The following WIPI2 variants were observed in gnomAD, a reference collection of about 807,000 sequenced individuals.
The protein encoded by WIPI2 is WD repeat domain, phosphoinositide interacting 2.
A neutral mutation model predicts 52.3 loss-of-function variants in WIPI2; 28 were observed. The ratio of observed to expected loss-of-function variants is 0.54; its 90% confidence interval spans 0.40 to 0.73. The LOEUF (loss-of-function observed/expected upper bound fraction) is 0.73. WIPI2 is among the 30% of genes least tolerant of loss of function. The pLI, the probability that WIPI2 is intolerant of heterozygous loss-of-function variation, is 0.00. For missense variants in WIPI2, 506 were observed against 602.9 expected (o/e 0.84, Z 1.68); for synonymous variants, 268 against 245.0 (o/e 1.09, Z -0.88).
At position 5,227,433 on chromosome 7, in the gene WIPI2, C is replaced by T; in HGVS notation, c.1013+89C>T. 2.0e-6 allele frequency: 3 copies of T among 1,519,360 alleles called. No individual in the cohort carries two copies. The highest frequency in any genetic ancestry group is 4.6e-5 in the East Asian group (2 of 43,040). The allele number at this position is 1,519,360 out of a possible 1,614,324, so 94.1% of individuals were successfully genotyped here. ...GCGGCTTGTGGCCCCTTCCGTGCTTCTGAACAGGAGCAGCTTCTTAGAGCC... is the reference window on the plus strand; with the variant it reads ...GCGGCTTGTGGCCCCTTCCGTGCTTTTGAACAGGAGCAGCTTCTTAGAGCC... On this transcript the variant is annotated intron_variant, in intron 10 of 12. Coordinates refer to ENST00000288828, the MANE Select transcript of WIPI2 (RefSeq NM_015610.4). The surrounding 1 kb of genome is among the most constrained non-coding windows in gnomAD (Gnocchi z 8.1).
intron 2 of WIPI2, among the ~76,000 whole-genome samples, chr7:5,196,756 A>T (rs1468856149): frequency 1.3e-5 from 2 of 152,190 alleles, no homozygotes; most frequent in African/African-American, 4.8e-5. Flanking sequence ...TGACGGCAGG[A>T]TGGTCACGAG....
intron 3 of WIPI2, among the ~76,000 whole-genome samples, chr7:5,210,842 G>C (rs28447119): frequency 6.6e-6 from 1 of 152,168 alleles, no homozygotes; most frequent in African/African-American, 2.4e-5. Flanking sequence ...AGACAACCTC[G>C]TTTTGTGTGT....
At chr7:5,210,128 C>T (rs1782483721) in intron 3 of WIPI2, among the ~76,000 whole-genome samples, 2 of 152,118 alleles carry the variant, frequency 1.3e-5, no homozygotes, top group Non-Finnish European at 2.9e-5. Context: ...AGGCTGGCCT[C>T]GAACGCCTGA....
At chr7:5,220,720 C>A (rs6951007) in intron 7 of WIPI2, among the ~76,000 whole-genome samples, 31,826 of 151,844 alleles carry the variant, frequency 0.21, 3,643 homozygotes, top group African/African-American at 0.31. Flanking sequence ...TAGTGTTTCT[C>A]CTGTCTTGGC....
At chr7:5,195,318 C>G (rs1310822013) in intron 2 of WIPI2, among the ~76,000 whole-genome samples, 1 of 143,454 alleles carries the variant, frequency 7.0e-6, no homozygotes, top group African/African-American at 2.6e-5. Flanking sequence ...GAGACCTCGA[C>G]TCTACACAAA....
intron 3 of WIPI2, among the ~76,000 whole-genome samples, chr7:5,202,436 T>A (rs1338954185): frequency 1.3e-5 from 2 of 152,092 alleles, no homozygotes; most frequent in African/African-American, 4.8e-5. Context: ...CAGGCTGGAG[T>A]ACAGTGGCAT....
Position 5,190,456 on chromosome 7 carries a change from G to T in WIPI2, c.37G>T (p.Gly13Cys). 1.3e-6 allele frequency: 2 copies of T among 1,497,854 alleles called. No homozygotes were observed. Among genetic ancestry groups the T allele is most frequent in the Non-Finnish European group, 8.9e-7 (1 of 1,122,364 alleles). The allele number at this position is 1,497,854 out of a possible 1,614,324, so 92.8% of individuals were successfully genotyped here. ...GAGCCAGAGCGGGGAGGCCGGCGCC[G>T]GCCAGCTGCTCTTCGCCAACTTCAA... ...LASQSGEAGA[G>C]QLLFANFNQD... Residue 13 changes from glycine to cysteine, a missense_variant, in exon 1 of 13, where the codon GGC becomes TGC. By Grantham distance (159) the Gly-to-Cys change is radical. Transcript: ENST00000288828.
At chr7:5,222,458 C>A in intron 7 of WIPI2, 144 bp from the exon 8 acceptor site, 2 of 801,138 alleles carry the variant, frequency 2.5e-6, no homozygotes, top group East Asian at 2.5e-5. Context: ...CAAGGGGGGC[C>A]CTGGGGGACC....
intron 3 of WIPI2, among the ~76,000 whole-genome samples, chr7:5,205,662 G>T (rs888891630): frequency 1.2e-4 from 18 of 151,980 alleles, no homozygotes; most frequent in Admixed American, 1.1e-3. Context: ...GTGTCACCAC[G>T]CTCAGCTAAT....
intron 8 of WIPI2, among the ~76,000 whole-genome samples, chr7:5,223,400 T>G (rs1203576449): frequency 1.3e-5 from 2 of 152,164 alleles, no homozygotes; most frequent in Admixed American, 1.3e-4. Flanking sequence ...TCGGGGACTC[T>G]CCCGCCATCT....
chr7:5,225,738 C>T (rs551432051), intron 8 of WIPI2, 85 bp from the exon 9 acceptor site: 1 of 923,974 alleles, frequency 1.1e-6, no homozygotes, highest in Non-Finnish European at 1.7e-6. Flanking sequence ...GTGCCCGTGA[C>T]AGGAACTCTT....
chr7:5,200,465 A>C (rs995692485), intron 3 of WIPI2, among the ~76,000 whole-genome samples: 3 of 152,278 alleles, frequency 2.0e-5, no homozygotes, highest in Admixed American at 1.3e-4. Context: ...GTAATATCAT[A>C]GCTGGGATAT....
At chr7:5,193,425 C>A in intron 2 of WIPI2, 2 of 1,091,882 alleles carry the variant, frequency 1.8e-6, no homozygotes, top group Non-Finnish European at 2.4e-6. Context: ...CTTTCCAAGT[C>A]TTGTGTTTGT....
rs1413146446 is a variant in WIPI2, at chr7:5,232,324, C to T, written c.*1377C>T. On this transcript the variant is annotated 3_prime_UTR_variant, in exon 13 of 13. Coordinates refer to ENST00000288828, the MANE Select transcript of WIPI2 (RefSeq NM_015610.4). ...AAGAGCTGGAGGGGAGTTGTCCCCT[C>T]AGCTGAGCGGCTGCGGTGAAATGCC... 1 of 398,540 alleles carries T rather than the reference C, an allele frequency of 2.5e-6. No homozygotes were observed. The highest frequency in any genetic ancestry group is 2.1e-5 in the African/African-American group (1 of 48,636). 24.7% of individuals were successfully genotyped at this position (398,540 alleles called of 1,614,324 possible).
At chr7:5,210,223 T>TATAG (rs1399930885) in intron 3 of WIPI2, among the ~76,000 whole-genome samples, 1 of 152,204 alleles carries the variant, frequency 6.6e-6, no homozygotes, top group East Asian at 1.9e-4. Context: ...GCATAACTCC[T>TATAG]ATAGATAGTT....
chr7:5,205,981 G>T (rs1237418565), intron 3 of WIPI2, among the ~76,000 whole-genome samples: 2 of 151,680 alleles, frequency 1.3e-5, no homozygotes, highest in Non-Finnish European at 2.9e-5. Context: ...ATTTGTTAGG[G>T]GTTGCAAATA....
intron 7 of WIPI2, among the ~76,000 whole-genome samples, chr7:5,220,442 C>T (rs1369213171): frequency 6.6e-6 from 1 of 151,044 alleles, no homozygotes; most frequent in Non-Finnish European, 1.5e-5. Flanking sequence ...GGTTTAACCA[C>T]GTTGGCCAGG....
intron 3 of WIPI2, among the ~76,000 whole-genome samples, chr7:5,211,687 G>A (rs1782568466): frequency 1.3e-5 from 2 of 152,110 alleles, no homozygotes. Context: ...AAATAAAATT[G>A]TACTTAATAA....
At position 5,218,027 on chromosome 7, in the gene WIPI2, T is replaced by C. The variant is rs747282092; in HGVS notation, c.669+13T>C. The C allele has an allele frequency of 5.0e-6, 8 of 1,613,864 alleles. No homozygotes were observed. In the African/African-American group the frequency reaches 1.1e-4, roughly 22 times the overall value. On this transcript the variant is annotated intron_variant, in intron 7 of 12. Transcript: ENST00000288828. ...GGCTTCGGAGAAGGTGAGTCTGCTTTTCCCCGGGGGAGCACTGGTGCCAAG... is the reference window on the plus strand; with the variant it reads ...GGCTTCGGAGAAGGTGAGTCTGCTTCTCCCCGGGGGAGCACTGGTGCCAAG...
Sources: allele counts gnomAD v4.1 joint callset (sites outside exome capture counted in the v4.1 genomes callset), GRCh38; gene constraint gnomAD v4.1.1; non-coding constraint Gnocchi (gnomAD v3.1); transcripts MANE v1.5; gene names NCBI Gene and HGNC (gene_info 2026-07-23, HGNC 2026-07-21).